TTBK1: variants seen among roughly 807,000 people sequenced by gnomAD.
TTBK1 encodes tau-tubulin kinase 1.
TTBK1 carries 34 observed loss-of-function variants against 108.5 expected under a neutral mutation model. The ratio of observed to expected loss-of-function variants is 0.31; its 90% CI spans 0.24 to 0.42. TTBK1 has a LOEUF of 0.42. Ranked by LOEUF, TTBK1 falls within the 10% of genes least tolerant of loss-of-function variation. The probability of loss-of-function intolerance (pLI) is 1.00; values close to 1 mark genes in which losing one functional copy is unlikely to be tolerated. For synonymous variants in TTBK1, 809 were observed against 795.1 expected (o/e 1.02, Z -0.29); for missense variants, 1,539 against 1,826.0 (o/e 0.84, Z 2.86).
At chr6:43,279,905 G>A (rs887426087) in intron 13 of TTBK1, among the ~76,000 whole-genome samples, 8 of 151,118 alleles carry the variant, frequency 5.3e-5, no homozygotes, top group African/African-American at 1.5e-4. Context: ...GCACAACCAC[G>A]CCCAGCTAAT....
In TTBK1 at chr6:43,259,425, G is replaced by A. The variant is rs1040070954; in HGVS notation, c.1249-106G>A. 5.8e-6 allele frequency: 8 copies of A among 1,368,412 alleles called. No individual in the cohort carries two copies. The highest frequency in any genetic ancestry group is 5.4e-5 in the Admixed American group (2 of 36,934). 84.8% of individuals were successfully genotyped at this position (1,368,412 alleles called of 1,614,324 possible). On this transcript the variant is annotated intron_variant, in intron 11 of 14. Coordinates refer to ENST00000259750, the MANE Select transcript of TTBK1 (RefSeq NM_032538.3). The surrounding 1 kb of genome is among the most constrained non-coding windows in gnomAD (Gnocchi z 6.7). ...CCCGGTCCCTCCCCGCACTAGCCTC[G>A]CTGTGTCTTCCATCATCATCATCCT...
Position 43,283,223 on chromosome 6 carries a change from A to G in TTBK1, c.2483A>G (p.Glu828Gly). 1 of 1,551,632 alleles carries G rather than the reference A, an allele frequency of 6.4e-7. No individual in the cohort carries two copies. Among genetic ancestry groups the G allele is most frequent in the Non-Finnish European group, 8.7e-7 (1 of 1,147,940 alleles). ...GCCTCCATGGCCGATGGGGACCTGGAGCCTGAGGAGGGCTCCAAAACGCTG... is the reference window on the plus strand; with the variant it reads ...GCCTCCATGGCCGATGGGGACCTGGGGCCTGAGGAGGGCTCCAAAACGCTG... ...GRASMADGDL[E>G]PEEGSKTLVL... Residue 828 changes from glutamate to glycine, a missense_variant, in exon 14 of 15, where the codon GAG becomes GGG. Physicochemically the swap from Glu to Gly is moderately conservative, Grantham distance 98. Around this residue, in one of 5 missense-constraint regions of TTBK1, gnomAD observed 1,055 missense variants for 1,086.5 expected, o/e 0.97. Transcript: ENST00000259750. This position sits in a 1 kb window ranked among gnomAD's most constrained non-coding sequence, Gnocchi z 8.1.
At chr6:43,277,529 G>T (rs1455765019) in intron 13 of TTBK1, among the ~76,000 whole-genome samples, 1 of 152,244 alleles carries the variant, frequency 6.6e-6, no homozygotes, top group Non-Finnish European at 1.5e-5. Context: ...CCCCCCACAG[G>T]CTGTCAGCTC....
rs777556806 is a variant in TTBK1 at position 43,263,162 on chromosome 6, A to G, written c.1798A>G (p.Met600Val). ...CACCGTCCGGCCCCGGGGACGCAGC[A>G]TGCAGGCGCTGGCGGAGGAGGACCT... is the stretch of plus-strand genomic sequence containing the variant. ...EPTVRPRGRSMQALAEEDLQH... is the reference protein window; with the variant it reads ...EPTVRPRGRSVQALAEEDLQH... The change falls in exon 13 of 15, where the codon ATG becomes GTG. Residue 600 changes from methionine (M) to valine (V), a missense_variant. This residue lies in a region of TTBK1 where 1,055 missense variants were observed against 1,086.5 expected (regional missense o/e 0.97). Transcript: ENST00000259750. The surrounding 1 kb of genome is among the most constrained non-coding windows in gnomAD (Gnocchi z 4.7). 1.3e-6 allele frequency: 2 copies of G among 1,574,318 alleles called. No homozygotes were observed. The highest frequency in any genetic ancestry group is 2.3e-5 in the East Asian group (1 of 43,386).
At chr6:43,281,510 A>G (rs1324244383) in intron 13 of TTBK1, among the ~76,000 whole-genome samples, 1 of 152,192 alleles carries the variant, frequency 6.6e-6, no homozygotes, top group African/African-American at 2.4e-5. Flanking sequence ...GATGGACGGC[A>G]GTGCAGAATG....
chr6:43,245,224 C>A (rs1361482038), intron 1 of TTBK1, among the ~76,000 whole-genome samples: 1 of 152,182 alleles, frequency 6.6e-6, no homozygotes, highest in Non-Finnish European at 1.5e-5. Flanking sequence ...CCCATCTATA[C>A]ATCTCTTTAG....
At chr6:43,270,651 A>G in intron 13 of TTBK1, 1 of 985,370 alleles carries the variant, frequency 1.0e-6, no homozygotes, top group South Asian at 4.7e-5. Flanking sequence ...CCCTCCCCCA[A>G]GACACCTGTG....
intron 2 of TTBK1, among the ~76,000 whole-genome samples, chr6:43,249,661 C>G (rs1777186751): frequency 6.6e-6 from 1 of 152,000 alleles, no homozygotes; most frequent in Non-Finnish European, 1.5e-5. Context: ...ACTGCAACCT[C>G]TGCCTCCCAG....
At position 43,257,271 on chromosome 6, in the gene TTBK1, C is replaced by T. The variant is rs1562085815; in HGVS notation, c.862-541C>T. 6.6e-6 allele frequency among the ~76,000 whole-genome samples: 1 copy of T among 152,294 alleles called. No individual in the cohort carries two copies. The highest frequency in any genetic ancestry group is 3.4e-3 in the Middle Eastern group (1 of 294). On this transcript the variant is annotated intron_variant, in intron 9 of 14. Transcript: ENST00000259750. This position sits in a 1 kb window ranked among gnomAD's most constrained non-coding sequence, Gnocchi z 4.5. Reference sequence around the variant, plus strand: ...CCCCAAAGCCACACAGCTGCGAGCACCCCCCAGGCTGGGGCCCTGTGCTGG... The same window carrying T: ...CCCCAAAGCCACACAGCTGCGAGCATCCCCCAGGCTGGGGCCCTGTGCTGG...
intron 1 of TTBK1, among the ~76,000 whole-genome samples, chr6:43,244,921 A>G (rs1306383796): frequency 2.6e-5 from 4 of 152,052 alleles, no homozygotes; most frequent in African/African-American, 9.7e-5. Flanking sequence ...TGCCCTTCAA[A>G]TTCCTGATGC....
At chr6:43,274,883 G>C (rs1390290082) in intron 13 of TTBK1, among the ~76,000 whole-genome samples, 2 of 152,130 alleles carry the variant, frequency 1.3e-5, no homozygotes, top group Non-Finnish European at 2.9e-5. Flanking sequence ...TGAGGGGTGG[G>C]GAAGGGGTGG....
rs1778405459 is a variant in TTBK1, at chr6:43,287,301, C to G, written c.*1925C>G. The G allele has an allele frequency of 1.3e-5, 2 of 152,598 alleles. No individual in the cohort carries two copies. Among genetic ancestry groups the G allele is most frequent in the Admixed American group, 6.5e-5 (1 of 15,280 alleles). 9.5% of individuals were successfully genotyped at this position (152,598 alleles called of 1,614,324 possible). A position where few individuals can be genotyped will look rare whatever the true frequency, so the allele number is the denominator to read the frequency against. On this transcript the variant is annotated 3_prime_UTR_variant, in exon 15 of 15. Transcript: ENST00000259750. This position sits in a 1 kb window ranked among gnomAD's most constrained non-coding sequence, Gnocchi z 4.1. ...ACCTAGAGCTTCTCCGAATGACAAT[C>G]AGCTCGTGCCAGGTGGGGACCAGGA...
chr6:43,279,971 C>T (rs1319273957), intron 13 of TTBK1, among the ~76,000 whole-genome samples: 1 of 141,760 alleles, frequency 7.1e-6, no homozygotes, highest in Non-Finnish European at 1.6e-5. Flanking sequence ...TGAGGGGACC[C>T]TAGCAACCCT....
intron 13 of TTBK1, among the ~76,000 whole-genome samples, chr6:43,266,204 C>T (rs1777673243): frequency 6.6e-6 from 1 of 152,188 alleles, no homozygotes; most frequent in Non-Finnish European, 1.5e-5. Flanking sequence ...CAGCGGAGCT[C>T]GAGCTGTGCA....
At chr6:43,266,221 G>A (rs1056984742) in intron 13 of TTBK1, among the ~76,000 whole-genome samples, 8 of 152,230 alleles carry the variant, frequency 5.3e-5, no homozygotes, top group African/African-American at 1.7e-4. Flanking sequence ...TGCACTGGTG[G>A]ATGGATGTGT....
chr6:43,255,266 T>C, intron 7 of TTBK1, 152 bp downstream of exon 7: 1 of 768,466 alleles, frequency 1.3e-6, no homozygotes, highest in African/African-American at 1.7e-5. Context: ...GGCCCCTCTG[T>C]GGCAGACTCA....
rs182968616 is a variant in TTBK1 at position 43,253,375 on chromosome 6, G to A, written c.330+11G>A. ...GTGATGCAGCTCCAGGTGAGTCCCC[G>A]TGGCCCATCCTCGCTCCCCTCTCTA... On this transcript the variant is annotated intron_variant, in intron 4 of 14. Coordinates refer to ENST00000259750, the MANE Select transcript of TTBK1 (RefSeq NM_032538.3). This position sits in a 1 kb window ranked among gnomAD's most constrained non-coding sequence, Gnocchi z 5.8. The A allele has an allele frequency of 9.7e-4, 1,561 of 1,613,890 alleles. 4 individuals are homozygous for A. Among genetic ancestry groups the A allele is most frequent in the African/African-American group, 7.9e-3 (594 of 75,004 alleles).
Position 43,262,926 on chromosome 6 carries a change from A to G in TTBK1, c.1562A>G (p.Glu521Gly). ...GACGTGTCAGCCTCTGTGGAGCAGG[A>G]GGCCCTGAGCAACGCCTTCCGCTCG... ...RMDVSASVEQ[E>G]ALSNAFRSVP... is the part of the protein sequence containing the mutation. Residue 521 changes from glutamate to glycine, a missense_variant, in exon 13 of 15, where the codon GAG becomes GGG. Physicochemically the swap from Glu to Gly is moderately conservative, Grantham distance 98. Transcript: ENST00000259750. 6.2e-7 allele frequency: 1 copy of G among 1,614,014 alleles called. No individual in the cohort carries two copies. Among genetic ancestry groups the G allele is most frequent in the Non-Finnish European group, 8.5e-7 (1 of 1,179,930 alleles).
chr6:43,277,333 G>A (rs1778027680), intron 13 of TTBK1, among the ~76,000 whole-genome samples: 1 of 152,054 alleles, frequency 6.6e-6, no homozygotes, highest in African/African-American at 2.4e-5. Context: ...AGTGGGAGGG[G>A]TGGGCCACTA....
Sources: allele counts gnomAD v4.1 joint callset (sites outside exome capture counted in the v4.1 genomes callset), GRCh38; gene constraint gnomAD v4.1.1; regional missense constraint gnomAD v4.1.1; non-coding constraint Gnocchi (gnomAD v3.1); transcripts MANE v1.5; gene names NCBI Gene and HGNC (gene_info 2026-07-23, HGNC 2026-07-21).